The following GALNTL6 variants were observed in gnomAD, a reference collection of about 807,000 sequenced individuals.
The protein encoded by GALNTL6 is polypeptide N-acetylgalactosaminyltransferase-like 6.
In GALNTL6, 46 loss-of-function variants were observed where a neutral mutation model predicts 73.7. That is an observed-to-expected ratio of 0.62 (90% CI 0.49 to 0.80). The LOEUF (loss-of-function observed/expected upper bound fraction) is 0.80, where lower values mean the gene tolerates loss of function less well. Ranked by LOEUF, GALNTL6 falls within the 30% of genes least tolerant of loss-of-function variation. The pLI, the probability that GALNTL6 is intolerant of heterozygous loss-of-function variation, is 0.00. For missense variants in GALNTL6, 604 were observed against 755.0 expected (o/e 0.80, Z 2.34); for synonymous variants, 259 against 263.7 (o/e 0.98, Z 0.17).
In GALNTL6 at chr4:171,849,757, C is replaced by T. The variant is rs182039852; in HGVS notation, c.138+35039C>T. 5.3e-4 allele frequency among the ~76,000 whole-genome samples: 80 copies of T among 152,180 alleles called. 1 individual carries two copies. Among genetic ancestry groups the T allele is most frequent in the East Asian group, 4.3e-3 (22 of 5,176 alleles). ...TCGTAAAGGAAGAAGGTGGCCATGC[C>T]GCAGGCTGGGAAGCATAGCCTCTGG... is the stretch of plus-strand genomic sequence containing the variant. On this transcript the variant is annotated intron_variant, in intron 2 of 12. Transcript: ENST00000506823.
intron 2 of GALNTL6, among the ~76,000 whole-genome samples, chr4:172,043,100 G>A (rs1742130889): frequency 6.6e-6 from 1 of 151,744 alleles, no homozygotes; most frequent in Non-Finnish European, 1.5e-5. Context: ...TCATCATCAG[G>A]GCTTTGCAAA....
intron 2 of GALNTL6, among the ~76,000 whole-genome samples, chr4:172,198,528 T>G (rs1735851946): frequency 6.6e-6 from 1 of 152,086 alleles, no homozygotes; most frequent in South Asian, 2.1e-4. Flanking sequence ...CCCTGATGAT[T>G]AAAGAAATGC....
chr4:172,013,195 C>A, intron 2 of GALNTL6, among the ~76,000 whole-genome samples: 1 of 152,004 alleles, frequency 6.6e-6, no homozygotes, highest in East Asian at 1.9e-4. Context: ...TCAAAGTCCT[C>A]TTTTCCAGCT....
intron 7 of GALNTL6, among the ~76,000 whole-genome samples, chr4:172,853,583 C>T (rs549456976): frequency 3.3e-5 from 5 of 152,270 alleles, no homozygotes; most frequent in African/African-American, 1.2e-4. Flanking sequence ...CTCAGGATAG[C>T]ACCTCATATT....
chr4:172,088,095 A>G (rs1732101221), intron 2 of GALNTL6, among the ~76,000 whole-genome samples: 1 of 152,172 alleles, frequency 6.6e-6, no homozygotes, highest in African/African-American at 2.4e-5. Context: ...ATTGCCCATC[A>G]TTCTTCCAAA....
At chr4:171,941,916 G>A (rs536436842) in intron 2 of GALNTL6, among the ~76,000 whole-genome samples, 37 of 152,208 alleles carry the variant, frequency 2.4e-4, no homozygotes, top group African/African-American at 8.9e-4. Context: ...GTTAAAAATA[G>A]AATTAATATA....
At chr4:172,180,708 C>T (rs1025995154) in intron 2 of GALNTL6, among the ~76,000 whole-genome samples, 1 of 152,090 alleles carries the variant, frequency 6.6e-6, no homozygotes, top group African/African-American at 2.4e-5. Flanking sequence ...AATAGGGAAC[C>T]CTTTCCCCAT....
intron 5 of GALNTL6, among the ~76,000 whole-genome samples, chr4:172,419,677 A>G (rs1730982426): frequency 6.6e-6 from 1 of 152,184 alleles, no homozygotes; most frequent in Non-Finnish European, 1.5e-5. Flanking sequence ...AGGACGACAT[A>G]CATTTTAATA....
intron 2 of GALNTL6, among the ~76,000 whole-genome samples, chr4:172,024,473 A>G (rs1193470737): frequency 6.6e-6 from 1 of 151,872 alleles, no homozygotes; most frequent in South Asian, 2.1e-4. Flanking sequence ...AAGGAAGACT[A>G]TATGATGGAA....
chr4:171,907,891 G>A (rs934645194), intron 2 of GALNTL6, among the ~76,000 whole-genome samples: 3 of 151,986 alleles, frequency 2.0e-5, no homozygotes, highest in Non-Finnish European at 4.4e-5. Flanking sequence ...ACAAGCAATG[G>A]GAAAAGGATT....
intron 2 of GALNTL6, among the ~76,000 whole-genome samples, chr4:171,817,471 T>C (rs1304524323): frequency 6.6e-6 from 1 of 151,774 alleles, no homozygotes; most frequent in African/African-American, 2.4e-5. Context: ...CAAATTGTAC[T>C]AATTCTGCAA....
rs112890201 is a variant in GALNTL6 at position 172,866,003 on chromosome 4, C to T, written c.924-16787C>T. 5.4e-3 allele frequency among the ~76,000 whole-genome samples: 819 copies of T among 152,288 alleles called. 7 individuals carry two copies. The highest frequency in any genetic ancestry group is 0.018 in the African/African-American group (749 of 41,558). On this transcript the variant is annotated intron_variant, in intron 7 of 12. Coordinates refer to ENST00000506823, the MANE Select transcript of GALNTL6 (RefSeq NM_001034845.3). The stretch of plus-strand genomic sequence containing the variant: ...ACCACATTTTCAATCTCTCTTTTGA[C>T]TTCTTGTGATCCTATGTGCTCACAA...
At chr4:172,212,350 CG>C (rs1736353217) in intron 2 of GALNTL6, among the ~76,000 whole-genome samples, 1 of 151,582 alleles carries the variant, frequency 6.6e-6, no homozygotes, top group African/African-American at 2.4e-5. Context: ...TTAGTAAAGA[CG>C]GGGTTTCACC....
intron 2 of GALNTL6, among the ~76,000 whole-genome samples, chr4:172,096,380 C>T (rs1370962023): frequency 6.6e-6 from 1 of 152,156 alleles, no homozygotes; most frequent in Non-Finnish European, 1.5e-5. Context: ...TAGGCATGAG[C>T]CACTGCCGGG....
At chr4:171,952,673 G>A (rs757580269) in intron 2 of GALNTL6, among the ~76,000 whole-genome samples, 1 of 151,924 alleles carries the variant, frequency 6.6e-6, no homozygotes, top group Non-Finnish European at 1.5e-5. Context: ...ATAGCTTTTA[G>A]CAAACTAAAA....
chr4:171,948,907 GAAT>G, intron 2 of GALNTL6, among the ~76,000 whole-genome samples: 1 of 151,726 alleles, frequency 6.6e-6, no homozygotes, highest in Non-Finnish European at 1.5e-5. Context: ...GTCAATTGCA[GAAT>G]AATATGGACA....
intron 5 of GALNTL6, among the ~76,000 whole-genome samples, chr4:172,565,244 A>G (rs1579194310): frequency 6.6e-6 from 1 of 152,220 alleles, no homozygotes; most frequent in East Asian, 1.9e-4. Context: ...ACTAATTTTA[A>G]GGGGAAACCA....
At chr4:172,343,056 A>G (rs1234266137) in intron 4 of GALNTL6, among the ~76,000 whole-genome samples, 2 of 152,336 alleles carry the variant, frequency 1.3e-5, no homozygotes, top group Admixed American at 1.3e-4. Context: ...AAAAAAGGGA[A>G]TAGTTATTAT....
At chr4:172,206,805 G>T (rs1281943659) in intron 2 of GALNTL6, among the ~76,000 whole-genome samples, 479 of 26,074 alleles carry the variant, frequency 0.018, 160 homozygotes, top group Middle Eastern at 0.1. Context: ...TTGTTTTTCT[G>T]TTTTTTTTGT....
Sources: gnomAD v4.1 joint callset for allele counts (sites outside exome capture counted in the v4.1 genomes callset) on GRCh38, gnomAD v4.1.1 for gene constraint, MANE v1.5 for transcripts, NCBI Gene and HGNC (gene_info 2026-07-23, HGNC 2026-07-21) for gene names.